The following ENOSF1 variants were observed in gnomAD, a reference collection of about 807,000 sequenced individuals.
The protein encoded by ENOSF1 is enolase superfamily member 1, also known as mitochondrial enolase superfamily member 1.
ENOSF1 carries 73 observed loss-of-function variants against 68.2 expected under a neutral mutation model. The ratio of observed to expected loss-of-function variants is 1.07; its 90% confidence interval spans 0.89 to 1.30. ENOSF1 has a LOEUF of 1.30. Among genes scored for constraint, ENOSF1 ranks in the 50% most tolerant of loss-of-function variants. The pLI is 0.00. For missense variants in ENOSF1, 589 were observed against 554.5 expected, an observed-to-expected ratio of 1.06 and a Z score of -0.62; for synonymous variants, 223 against 210.4, an observed-to-expected ratio of 1.06 and a Z score of -0.52.
downstream of ENOSF1, among the ~76,000 whole-genome samples, chr18:670,045 ATTTTT>A (rs34118802): frequency 7.2e-6 from 1 of 138,534 alleles, no homozygotes; most frequent in African/African-American, 2.7e-5. Context: ...ATAGAGACTT[ATTTTT>A]TTTTTTTTTT....
chr18:683,048 G>A (rs1260718633), intron 11 of ENOSF1, 198 bp downstream of exon 11: 2 of 631,926 alleles, frequency 3.2e-6, no homozygotes, highest in Non-Finnish European at 5.2e-6. Context: ...ACAGAAATAA[G>A]GGCAAAGTAT....
At chr18:666,987 T>C (rs868798037), downstream of ENOSF1, among the ~76,000 whole-genome samples, 68 of 5,242 alleles carry the variant, frequency 0.013, 1 homozygote, top group African/African-American at 0.035. Flanking sequence ...ATGGAGATGG[T>C]GATGGTGATG....
chr18:704,612 CT>C (rs373644673), intron 2 of ENOSF1, among the ~76,000 whole-genome samples: 23 of 138,392 alleles, frequency 1.7e-4, no homozygotes, highest in Non-Finnish European at 1.5e-4. Flanking sequence ...TATCTTTTTT[CT>C]TTTTTTTTTT....
intron 14 of ENOSF1, 149 bp from the exon 15 acceptor site, chr18:675,551 T>TA: frequency 1.5e-6 from 1 of 667,184 alleles, no homozygotes; most frequent in Non-Finnish European, 2.7e-6. Context: ...GGCAAGTCCC[T>TA]AAACCTCTGT....
chr18:712,300 G>T, intron 1 of ENOSF1: 5 of 1,506,314 alleles, frequency 3.3e-6, no homozygotes, highest in East Asian at 2.5e-5. Flanking sequence ...GAAGCTGCCC[G>T]GGGCCCGCAG....
intron 8 of ENOSF1, among the ~76,000 whole-genome samples, chr18:689,562 G>A (rs2076946531): frequency 6.6e-6 from 1 of 152,160 alleles, no homozygotes; most frequent in Non-Finnish European, 1.5e-5. Context: ...GATTATAGGC[G>A]TGAGCCACTG....
Position 671,247 on chromosome 18 carries a change from A to C in ENOSF1, c.*3058T>G, listed in dbSNP as rs1229487831. 1.4e-6 allele frequency: 1 copy of C among 709,660 alleles called. No homozygotes were observed. The highest frequency in any genetic ancestry group is 1.8e-5 in the African/African-American group (1 of 55,954). The allele number at this position is 709,660 out of a possible 1,614,324, so 44.0% of individuals were successfully genotyped here. A position where few individuals can be genotyped will look rare whatever the true frequency, so the allele number is the denominator to read the frequency against. On this transcript the variant is annotated 3_prime_UTR_variant, in exon 16 of 16. Transcript: ENST00000647584. Reference sequence around the variant, plus strand: ...ACATAACAAGATGCTGTTGCTACAAAAAAATGGAAAAGCTACACTAAATTA... The same window carrying C: ...ACATAACAAGATGCTGTTGCTACAACAAAATGGAAAAGCTACACTAAATTA...
chr18:664,368 A>T, the ENOSF1 span, among the ~76,000 whole-genome samples: 1 of 144,920 alleles, frequency 6.9e-6, no homozygotes, highest in Admixed American at 6.8e-5. Context: ...GATTGATTTT[A>T]TATCCTGAGA....
intron 2 of ENOSF1, among the ~76,000 whole-genome samples, chr18:704,961 T>C (rs924659693): frequency 3.4e-5 from 5 of 146,960 alleles, no homozygotes; most frequent in African/African-American, 1.3e-4. Flanking sequence ...CACTCAGAAG[T>C]CTGCAGAAGG....
chr18:692,152 T>C (rs9953980), intron 5 of ENOSF1: 49,853 of 152,042 alleles, frequency 0.33, 8,531 homozygotes, highest in Non-Finnish European at 0.37. Flanking sequence ...TTACCAACAT[T>C]TCGGCGGGGC....
chr18:672,793 G>A lies in ENOSF1; in HGVS notation c.*1512C>T, dbSNP rs540710744. On this transcript the variant is annotated 3_prime_UTR_variant, in exon 16 of 16. Coordinates refer to ENST00000647584, the MANE Select transcript of ENOSF1 (RefSeq NM_017512.7). The stretch of plus-strand genomic sequence containing the variant: ...ATCACATCCTGTGTACTTGTTTCAC[G>A]GACATGAGGAGCAATTACAACAGGT... The A allele has an allele frequency of 6.1e-6, 9 of 1,480,384 alleles. No individual in the cohort carries two copies. Among genetic ancestry groups the A allele is most frequent in the Admixed American group, 5.7e-5 (3 of 52,380 alleles). The allele number at this position is 1,480,384 out of a possible 1,614,324, so 91.7% of individuals were successfully genotyped here.
intron 7 of ENOSF1, 200 bp from the exon 8 acceptor site, chr18:690,831 G>C (rs1239042301): frequency 8.7e-5 from 125 of 1,435,048 alleles, no homozygotes; most frequent in Non-Finnish European, 1.1e-4. Context: ...GCTCCCCCAG[G>C]GCTCTCCCTA....
At chr18:693,523 G>A (rs2077414492) in intron 5 of ENOSF1, 1 of 985,352 alleles carries the variant, frequency 1.0e-6, no homozygotes, top group Non-Finnish European at 1.2e-6. Context: ...CAGAGTTTAT[G>A]AGGTGCTTTT....
intron 2 of ENOSF1, among the ~76,000 whole-genome samples, chr18:700,477 A>C (rs1025291646): frequency 6.6e-6 from 1 of 152,218 alleles, no homozygotes; most frequent in African/African-American, 2.4e-5. Context: ...AAAGCTAAGG[A>C]TGATCTCATT....
At chr18:668,885 G>A (rs2074918317), downstream of ENOSF1, among the ~76,000 whole-genome samples, 1 of 152,046 alleles carries the variant, frequency 6.6e-6, no homozygotes, top group Admixed American at 6.5e-5. Context: ...ACAGAGCCAG[G>A]AGTCAGACAG....
rs1166388171 is a variant in ENOSF1 at position 672,665 on chromosome 18, T to G, written c.*1640A>C. 1 of 468,284 alleles carries G rather than the reference T, an allele frequency of 2.1e-6. No individual in the cohort carries two copies. The highest frequency in any genetic ancestry group is 3.1e-5 in the East Asian group (1 of 31,832). 29.0% of individuals were successfully genotyped at this position (468,284 alleles called of 1,614,324 possible). A position where few individuals can be genotyped will look rare whatever the true frequency, so the allele number is the denominator to read the frequency against. On this transcript the variant is annotated 3_prime_UTR_variant, in exon 16 of 16. Transcript: ENST00000647584. ...TGTAATGTCACAAAATACCCCTCACTCTCGATCTGTGCAAGAGAACAGCTG... is the reference window on the plus strand; with the variant it reads ...TGTAATGTCACAAAATACCCCTCACGCTCGATCTGTGCAAGAGAACAGCTG...
chr18:663,832 T>C, the ENOSF1 span, among the ~76,000 whole-genome samples: 4 of 103,466 alleles, frequency 3.9e-5, no homozygotes, highest in African/African-American at 5.7e-5. Context: ...GTTGTAGATA[T>C]GCGGTGTTAT....
intron 9 of ENOSF1, 44 bp from the exon 10 acceptor site, chr18:686,052 C>A (rs1327199173): frequency 7.0e-7 from 1 of 1,437,110 alleles, no homozygotes; most frequent in African/African-American, 1.4e-5. Context: ...TGTACCTGGA[C>A]TTGGCAAGGG....
chr18:667,463 AGATGGT>A (rs1247233263), downstream of ENOSF1, among the ~76,000 whole-genome samples: 1 of 3,528 alleles, frequency 2.8e-4, no homozygotes, highest in Non-Finnish European at 4.9e-4. Flanking sequence ...GTGATGATGG[AGATGGT>A]GATGGTGATG....
Sources: allele counts gnomAD v4.1 joint callset (sites outside exome capture counted in the v4.1 genomes callset), GRCh38; gene constraint gnomAD v4.1.1; transcripts MANE v1.5; gene names NCBI Gene and HGNC (gene_info 2026-07-23, HGNC 2026-07-21).